The following FAM120A variants were observed in gnomAD, a reference collection of about 807,000 sequenced individuals.
FAM120A encodes the protein constitutive coactivator of PPAR-gamma-like protein 1.
In FAM120A, 15 loss-of-function variants were observed where a neutral mutation model predicts 109.7. The observed-to-expected ratio is 0.14, with a 90% confidence interval of 0.09 to 0.21. FAM120A has a LOEUF of 0.21. Ranked by LOEUF, FAM120A falls within the 10% of genes least tolerant of loss-of-function variation. The pLI is 1.00. For missense variants in FAM120A, 899 were observed against 1,439.3 expected (o/e 0.62, Z 6.07); for synonymous variants, 493 against 572.8 (o/e 0.86, Z 1.99).
At chr9:93,510,607 A>G (rs1860274953) in intron 5 of FAM120A, among the ~76,000 whole-genome samples, 1 of 152,164 alleles carries the variant, frequency 6.6e-6, no homozygotes, top group Admixed American at 6.5e-5. Context: ...TCAGTGGCTA[A>G]ATGGGATTTG....
At chr9:93,476,507 C>T (rs1170948175) in intron 3 of FAM120A, among the ~76,000 whole-genome samples, 169 bp downstream of exon 3, 2 of 152,182 alleles carry the variant, frequency 1.3e-5, no homozygotes, top group Non-Finnish European at 2.9e-5. Context: ...AACAATGCTA[C>T]CATCCCTTGT....
intron 7 of FAM120A, among the ~76,000 whole-genome samples, chr9:93,517,242 T>C (rs1860640168): frequency 6.6e-6 from 1 of 152,234 alleles, no homozygotes; most frequent in Non-Finnish European, 1.5e-5. Context: ...TTAATAAATG[T>C]TGATTTGTTG....
Position 93,558,528 on chromosome 9 carries a change from C to G in FAM120A, c.2669-53C>G. On this transcript the variant is annotated intron_variant, in intron 14 of 17. Coordinates refer to ENST00000277165, the MANE Select transcript of FAM120A (RefSeq NM_014612.5). The stretch of plus-strand genomic sequence containing the variant: ...CTCTGCCTGAATACCCAGCAGGGCC[C>G]TGAGTCCTGTCCCTTACACTTCTCC... 3.8e-6 allele frequency: 6 copies of G among 1,599,150 alleles called. No individual in the cohort carries two copies. In the South Asian group the frequency reaches 6.7e-5, roughly 18 times the overall value.
intron 17 of FAM120A, among the ~76,000 whole-genome samples, chr9:93,563,527 C>T (rs1406434309): frequency 6.6e-6 from 1 of 152,216 alleles, no homozygotes; most frequent in African/African-American, 2.4e-5. Flanking sequence ...TGTGGGACAG[C>T]CCCATCACGG....
chr9:93,564,322 G>C lies in FAM120A; in HGVS notation c.3139G>C (p.Gly1047Arg). ...ESKSSAMSSD[G>R]SLAENGVMAE... ...GAAGTCCTCTGCTATGTCTTCAGAC[G>C]GGTCCCTGGCTGAAAACGGAGTGAT... is the stretch of plus-strand genomic sequence containing the variant. The change falls in exon 18 of 18, where the codon GGG becomes CGG. Residue 1047 changes from glycine (G) to arginine (R), a missense_variant. Gly to Arg is a moderately radical substitution (Grantham distance 125, BLOSUM62 -2). Around this residue, in one of 11 missense-constraint regions of FAM120A, gnomAD observed 170 missense variants for 205.0 expected, o/e 0.83. Coordinates refer to ENST00000277165, the MANE Select transcript of FAM120A (RefSeq NM_014612.5). The C allele has an allele frequency of 6.2e-7, 1 of 1,614,200 alleles. No individual in the cohort carries two copies. The highest frequency in any genetic ancestry group is 1.7e-5 in the Admixed American group (1 of 60,030).
chr9:93,462,428 C>T (rs1174362075), intron 1 of FAM120A, among the ~76,000 whole-genome samples: 2 of 152,110 alleles, frequency 1.3e-5, no homozygotes, highest in African/African-American at 4.8e-5. Context: ...CAGGCGTGCG[C>T]CTGCCACCAC....
In FAM120A at chr9:93,500,366, C is replaced by T. The variant is rs567619696; in HGVS notation, c.1030+1480C>T. Reference sequence around the variant, plus strand: ...TAGCTTCTGCCCTGGGCCTCTGGGCCGGCTTTTGTGCCTGGAGGGCTCCTT... The same window carrying T: ...TAGCTTCTGCCCTGGGCCTCTGGGCTGGCTTTTGTGCCTGGAGGGCTCCTT... On this transcript the variant is annotated intron_variant, in intron 5 of 17. Transcript: ENST00000277165. The surrounding 1 kb of genome is among the most constrained non-coding windows in gnomAD (Gnocchi z 4.6). Among the ~76,000 whole-genome samples, 14 of 152,180 alleles carry T rather than the reference C, an allele frequency of 9.2e-5. No individual in the cohort carries two copies. The highest frequency in any genetic ancestry group is 2.1e-4 in the South Asian group (1 of 4,830).
chr9:93,501,529 T>C (rs1244713489), intron 5 of FAM120A, among the ~76,000 whole-genome samples: 16 of 152,182 alleles, frequency 1.1e-4, no homozygotes, highest in Admixed American at 1.0e-3. Flanking sequence ...GGATGATAGT[T>C]TGAGGCAGCT....
intron 11 of FAM120A, among the ~76,000 whole-genome samples, chr9:93,547,708 A>G (rs1179147007): frequency 6.6e-6 from 1 of 152,228 alleles, no homozygotes; most frequent in Non-Finnish European, 1.5e-5. Flanking sequence ...CAGAAATACC[A>G]TAGATAGATT....
In FAM120A at chr9:93,462,808, G is replaced by T. The variant is rs975586351; in HGVS notation, c.475-8333G>T. ...TATAGTATATGTAATTTTGTGTCTG[G>T]TTTATTGCATTTAACACAATGTCTT... On this transcript the variant is annotated intron_variant, in intron 1 of 17. Coordinates refer to ENST00000277165, the MANE Select transcript of FAM120A (RefSeq NM_014612.5). Among the ~76,000 whole-genome samples the T allele has an allele frequency of 1.3e-5, 2 of 152,124 alleles. 1 individual carries two copies. Among genetic ancestry groups the T allele is most frequent in the Non-Finnish European group, 2.9e-5 (2 of 68,028 alleles).
At chr9:93,474,667 C>T (rs1222849740) in intron 2 of FAM120A, among the ~76,000 whole-genome samples, 1 of 152,058 alleles carries the variant, frequency 6.6e-6, no homozygotes, top group Non-Finnish European at 1.5e-5. Flanking sequence ...GATCTCGCCT[C>T]ACTGCAAGCT....
chr9:93,469,322 G>A (rs966015291), intron 1 of FAM120A, among the ~76,000 whole-genome samples: 1 of 152,146 alleles, frequency 6.6e-6, no homozygotes, highest in African/African-American at 2.4e-5. Context: ...TTCCCAACAT[G>A]TGTGAATCTA....
chr9:93,534,294 C>T (rs1265689936), intron 10 of FAM120A, among the ~76,000 whole-genome samples: 1 of 152,286 alleles, frequency 6.6e-6, no homozygotes, highest in East Asian at 1.9e-4. Context: ...GAAGCCAGGG[C>T]AGGCCACAGC....
intron 5 of FAM120A, among the ~76,000 whole-genome samples, chr9:93,513,662 C>T (rs1006537247): frequency 3.3e-5 from 5 of 152,160 alleles, no homozygotes; most frequent in Non-Finnish European, 7.4e-5. Flanking sequence ...GCTGAAGGCC[C>T]TTGGAAGGCA....
Position 93,456,708 on chromosome 9 carries a change from A to G in FAM120A, c.474+4319A>G, listed in dbSNP as rs573112762. On this transcript the variant is annotated intron_variant, in intron 1 of 17. Transcript: ENST00000277165. The stretch of plus-strand genomic sequence containing the variant: ...AACCTCAAGACGGAAGTGGAGTGCT[A>G]AAGTCAAAGTTCAGCTTCTTTGTGT... Among the ~76,000 whole-genome samples the G allele has an allele frequency of 5.3e-4, 80 of 152,284 alleles. 1 individual carries two copies. The South Asian group carries it at 0.015, about 29-fold the overall frequency.
At chr9:93,476,391 G>A in intron 3 of FAM120A, 53 bp downstream of exon 3, 2 of 1,213,804 alleles carry the variant, frequency 1.6e-6, no homozygotes, top group Non-Finnish European at 2.4e-6. Flanking sequence ...CTGTGAGTTT[G>A]CTATTACTTT....
intron 7 of FAM120A, among the ~76,000 whole-genome samples, chr9:93,525,059 A>G (rs1278359108): frequency 6.6e-6 from 1 of 152,018 alleles, no homozygotes; most frequent in Admixed American, 6.6e-5. Flanking sequence ...TTTTAATTGT[A>G]AAGTAATATA....
At chr9:93,537,474 CAA>C (rs1861556264) in intron 10 of FAM120A, among the ~76,000 whole-genome samples, 1 of 152,026 alleles carries the variant, frequency 6.6e-6, no homozygotes, top group Admixed American at 6.6e-5. Flanking sequence ...CCATTTCCTA[CAA>C]AAGTCTTCCC....
At chr9:93,546,170 ATAT>A (rs2131529266) in intron 11 of FAM120A, among the ~76,000 whole-genome samples, 1 of 152,304 alleles carries the variant, frequency 6.6e-6, no homozygotes, top group South Asian at 2.1e-4. Context: ...ATTAATAACA[ATAT>A]TATATTCATA....
Sources: gnomAD v4.1 joint callset for allele counts (sites outside exome capture counted in the v4.1 genomes callset) on GRCh38, gnomAD v4.1.1 for gene constraint, gnomAD v4.1.1 regional missense constraint, Gnocchi (gnomAD v3.1) non-coding constraint, MANE v1.5 for transcripts, NCBI Gene and HGNC (gene_info 2026-07-23, HGNC 2026-07-21) for gene names.